Variants in PMEPA1 observed in about 807,000 individuals in gnomAD.
PMEPA1 encodes the protein protein TMEPAI.
PMEPA1 carries 11 observed loss-of-function variants against 23.0 expected under a neutral mutation model. That is an observed-to-expected ratio of 0.48 (90% CI 0.30 to 0.79). The LOEUF is 0.79. Among genes scored for constraint, PMEPA1 ranks in the 30% least tolerant of loss-of-function variants. The pLI, the probability that PMEPA1 is intolerant of heterozygous loss-of-function variation, is 0.06. For missense variants in PMEPA1, 377 were observed against 390.9 expected, an observed-to-expected ratio of 0.96 and a Z score of 0.30; for synonymous variants, 204 against 166.4, an observed-to-expected ratio of 1.23 and a Z score of -1.74.
chr20:57,698,108 T>G (rs914718115), intron 1 of PMEPA1, among the ~76,000 whole-genome samples: 3 of 152,124 alleles, frequency 2.0e-5, no homozygotes, highest in Non-Finnish European at 1.5e-5. Flanking sequence ...GGTGGGGGCA[T>G]CCCTCCCGTG....
At chr20:57,693,249 C>T (rs2071905827) in intron 1 of PMEPA1, among the ~76,000 whole-genome samples, 1 of 152,218 alleles carries the variant, frequency 6.6e-6, no homozygotes. Flanking sequence ...AGGAGGCAGG[C>T]CCACAGGATG....
chr20:57,656,919 G>C lies in PMEPA1; in HGVS notation c.264+2624C>G. Among the ~76,000 whole-genome samples, 2 of 152,156 alleles carry C rather than the reference G, an allele frequency of 1.3e-5. No homozygotes were observed. The highest frequency in any genetic ancestry group is 3.9e-4 in the East Asian group (2 of 5,182). ...CTCTATGGAAGGCCGCGGGGCCCAG[G>C]GACTCCTGTCTGGCAGGGGGTCCCC... On this transcript the variant is annotated intron_variant, in intron 2 of 3. Transcript: ENST00000341744. This position sits in a 1 kb window ranked among gnomAD's most constrained non-coding sequence, Gnocchi z 4.7.
chr20:57,679,117 G>A (rs1600651995), intron 1 of PMEPA1, among the ~76,000 whole-genome samples: 1 of 152,150 alleles, frequency 6.6e-6, no homozygotes, highest in African/African-American at 2.4e-5. Context: ...GAGCACCTAG[G>A]AGCGGGGACC....
intron 1 of PMEPA1, among the ~76,000 whole-genome samples, chr20:57,679,694 T>C (rs971754379): frequency 2.0e-5 from 3 of 152,346 alleles, no homozygotes; most frequent in Non-Finnish European, 2.9e-5. Flanking sequence ...TGGAGCCACA[T>C]AGGTGAATTT....
At chr20:57,698,981 G>A (rs1054903102) in intron 1 of PMEPA1, among the ~76,000 whole-genome samples, 1 of 152,164 alleles carries the variant, frequency 6.6e-6, no homozygotes, top group African/African-American at 2.4e-5. Flanking sequence ...TGACATCCAC[G>A]AGGTGTTTCA....
intron 1 of PMEPA1, among the ~76,000 whole-genome samples, chr20:57,679,917 C>G (rs1245864260): frequency 1.3e-5 from 2 of 152,204 alleles, no homozygotes; most frequent in Non-Finnish European, 2.9e-5. Context: ...TGCCCAGAGA[C>G]ACAGAGCAAC....
chr20:57,677,891 C>G (rs747711898), intron 1 of PMEPA1, among the ~76,000 whole-genome samples: 1 of 152,208 alleles, frequency 6.6e-6, no homozygotes, highest in South Asian at 2.1e-4. Flanking sequence ...CTACTGACAC[C>G]TACAGCAACG....
At chr20:57,687,295 C>T (rs1331583781) in intron 1 of PMEPA1, among the ~76,000 whole-genome samples, 1 of 152,214 alleles carries the variant, frequency 6.6e-6, no homozygotes, top group Non-Finnish European at 1.5e-5. Flanking sequence ...GTCCAAGGCT[C>T]CGCAAGATAG....
chr20:57,661,681 C>T lies in PMEPA1; in HGVS notation c.110-1984G>A, dbSNP rs560754301. ...CCGTGCAGAGCCGATGCCAGGCGCT[C>T]GGGCCATCAGACAGCCCAGGCAAGC... is the stretch of plus-strand genomic sequence containing the variant. On this transcript the variant is annotated intron_variant, in intron 1 of 3. Coordinates refer to ENST00000341744, the MANE Select transcript of PMEPA1 (RefSeq NM_020182.5). 2.4e-4 allele frequency among the ~76,000 whole-genome samples: 36 copies of T among 152,284 alleles called. No homozygotes were observed. The East Asian group carries it at 4.2e-3, about 18-fold the overall frequency.
At chr20:57,688,437 C>T (rs1466059275) in intron 1 of PMEPA1, among the ~76,000 whole-genome samples, 1 of 152,138 alleles carries the variant, frequency 6.6e-6, no homozygotes, top group African/African-American at 2.4e-5. Flanking sequence ...GCACTTCCTC[C>T]ATGCCCCAGG....
chr20:57,689,372 G>A (rs775818269), intron 1 of PMEPA1, among the ~76,000 whole-genome samples: 11 of 152,188 alleles, frequency 7.2e-5, no homozygotes, highest in Admixed American at 3.9e-4. Context: ...GGTATTGTGT[G>A]ACCAGGACAG....
At chr20:57,663,252 G>A (rs76431145) in intron 1 of PMEPA1, among the ~76,000 whole-genome samples, 4,427 of 152,286 alleles carry the variant, frequency 0.029, 232 homozygotes, top group African/African-American at 0.1. Flanking sequence ...TCCAGGCTTA[G>A]GGAGATGGAG....
chr20:57,697,554 C>T (rs540636888), intron 1 of PMEPA1, among the ~76,000 whole-genome samples: 1 of 152,336 alleles, frequency 6.6e-6, no homozygotes, highest in East Asian at 1.9e-4. Context: ...AGACAGACAC[C>T]AATGACACGC....
intron 1 of PMEPA1, among the ~76,000 whole-genome samples, chr20:57,671,279 G>A (rs559506372): frequency 6.6e-6 from 1 of 152,336 alleles, no homozygotes; most frequent in East Asian, 1.9e-4. Context: ...TGTCGGAGGT[G>A]CATAACATCC....
chr20:57,656,096 C>T lies in PMEPA1; in HGVS notation c.265-3010G>A, dbSNP rs117961370. On this transcript the variant is annotated intron_variant, in intron 2 of 3. Transcript: ENST00000341744. The surrounding 1 kb of genome is among the most constrained non-coding windows in gnomAD (Gnocchi z 4.7). ...GAGTCCCCAGGAACATCCAAGGGGA[C>T]GGGATGGCCTTCTATCAAACTTCGA... 1.1e-3 allele frequency among the ~76,000 whole-genome samples: 163 copies of T among 152,072 alleles called. 1 individual carries two copies. In the East Asian group the frequency reaches 0.023, roughly 22 times the overall value.
chr20:57,677,145 T>C (rs950873151), intron 1 of PMEPA1, among the ~76,000 whole-genome samples: 1 of 152,208 alleles, frequency 6.6e-6, no homozygotes, highest in Non-Finnish European at 1.5e-5. Flanking sequence ...CTTCTCTTAC[T>C]CTGCATCGCC....
chr20:57,701,594 C>T (rs1001149898), intron 1 of PMEPA1, among the ~76,000 whole-genome samples: 2 of 152,136 alleles, frequency 1.3e-5, no homozygotes, highest in Non-Finnish European at 2.9e-5. Context: ...GGCACAGTTT[C>T]CTGCCCCCAA....
chr20:57,708,007 TA>T (rs1242716709), intron 1 of PMEPA1, among the ~76,000 whole-genome samples: 1 of 151,708 alleles, frequency 6.6e-6, no homozygotes, highest in Non-Finnish European at 1.5e-5. Flanking sequence ...TAAGGTGGGG[TA>T]GGGGGAGAGC....
At chr20:57,700,258 G>A (rs987988008) in intron 1 of PMEPA1, 23 of 416,610 alleles carry the variant, frequency 5.5e-5, no homozygotes, top group African/African-American at 4.1e-4. Flanking sequence ...TACCGAACAT[G>A]TTCGGGGGAA....
Sources: allele counts gnomAD v4.1 joint callset (sites outside exome capture counted in the v4.1 genomes callset), GRCh38; gene constraint gnomAD v4.1.1; non-coding constraint Gnocchi (gnomAD v3.1); transcripts MANE v1.5; gene names NCBI Gene and HGNC (gene_info 2026-07-23, HGNC 2026-07-21).